ALKBH8: variants seen among roughly 807,000 people sequenced by gnomAD.
The protein encoded by ALKBH8 is tRNA (carboxymethyluridine(34)-5-O)-methyltransferase ALKBH8.
ALKBH8 carries 36 observed loss-of-function variants against 59.8 expected under a neutral mutation model. That is an observed-to-expected ratio of 0.60 (90% confidence interval 0.46 to 0.79). ALKBH8 has a LOEUF of 0.79. Among genes scored for constraint, ALKBH8 ranks in the 30% least tolerant of loss-of-function variants. The pLI is 0.00. For synonymous variants in ALKBH8, 276 were observed against 273.6 expected, an observed-to-expected ratio of 1.01 and a Z score of -0.09; for missense variants, 768 against 801.0, an observed-to-expected ratio of 0.96 and a Z score of 0.50.
chr11:107,555,028 G>C (rs61906369), intron 3 of ALKBH8, among the ~76,000 whole-genome samples: 16 of 152,158 alleles, frequency 1.1e-4, no homozygotes, highest in Non-Finnish European at 2.4e-4. Flanking sequence ...GGGAGTCCGA[G>C]GTGGGCGGAT....
chr11:107,531,892 T>C (rs567213324), intron 8 of ALKBH8, among the ~76,000 whole-genome samples: 5 of 152,318 alleles, frequency 3.3e-5, no homozygotes, highest in African/African-American at 1.2e-4. Flanking sequence ...TAGCCATAGC[T>C]TGCCAATCCC....
chr11:107,510,921 A>C lies in ALKBH8; in HGVS notation c.1403T>G (p.Ile468Ser). ...AAAATGATGAATAACAGCAATGGAG[A>C]TGCAGGCATCACAAGACCCACTGCG... ...PVRSGSCDAC[I>S]SIAVIHHFAT... The change falls in exon 11 of 12, where the codon ATC (isoleucine) becomes AGC (serine). Residue 468 changes from isoleucine (I) to serine (S), a missense_variant. Transcript: ENST00000428149. 3 of 1,551,720 alleles carry C rather than the reference A, an allele frequency of 1.9e-6. No homozygotes were observed. The highest frequency in any genetic ancestry group is 2.6e-6 in the Non-Finnish European group (3 of 1,146,942).
intron 8 of ALKBH8, among the ~76,000 whole-genome samples, chr11:107,528,213 C>T (rs749510959): frequency 3.3e-5 from 5 of 151,922 alleles, no homozygotes; most frequent in Non-Finnish European, 7.4e-5. Context: ...TTCGAATGTT[C>T]TGTTATGGGT....
At chr11:107,517,864 A>C (rs1862932513) in intron 10 of ALKBH8, among the ~76,000 whole-genome samples, 1 of 152,230 alleles carries the variant, frequency 6.6e-6, no homozygotes, top group Non-Finnish European at 1.5e-5. Flanking sequence ...TGTAGTTAAC[A>C]ACATGTATTG....
At chr11:107,542,712 C>A (rs190546684) in intron 7 of ALKBH8, among the ~76,000 whole-genome samples, 157 of 152,282 alleles carry the variant, frequency 1.0e-3, no homozygotes, top group Middle Eastern at 3.4e-3. Context: ...GAATTCAAGA[C>A]CAGCTTGGGC....
At chr11:107,512,967 T>C (rs1394749173) in intron 10 of ALKBH8, among the ~76,000 whole-genome samples, 2 of 152,026 alleles carry the variant, frequency 1.3e-5, no homozygotes, top group African/African-American at 4.8e-5. Context: ...ACCTAGGAAA[T>C]ACCATTCTGG....
At chr11:107,554,227 CATG>C (rs1329269244) in intron 3 of ALKBH8, among the ~76,000 whole-genome samples, 1 of 152,150 alleles carries the variant, frequency 6.6e-6, no homozygotes, top group African/African-American at 2.4e-5. Context: ...CCGGTGTGAA[CATG>C]ATGAAGTCAC....
chr11:107,562,247 CA>C (rs1490065949), intron 1 of ALKBH8, among the ~76,000 whole-genome samples: 7 of 147,364 alleles, frequency 4.8e-5, no homozygotes, highest in Non-Finnish European at 7.4e-5. Context: ...TGCAGTGAGC[CA>C]AGATCATGCT....
intron 2 of ALKBH8, among the ~76,000 whole-genome samples, chr11:107,560,071 G>A (rs1464854410): frequency 6.6e-6 from 1 of 152,068 alleles, no homozygotes; most frequent in African/African-American, 2.4e-5. Context: ...GGGTTAAAAA[G>A]GTATGCAATA....
chr11:107,533,516 T>A (rs970432719), intron 7 of ALKBH8, among the ~76,000 whole-genome samples: 6 of 152,174 alleles, frequency 3.9e-5, no homozygotes, highest in Non-Finnish European at 5.9e-5. Flanking sequence ...AATCTAAGTA[T>A]GGAAAATAAA....
intron 8 of ALKBH8, among the ~76,000 whole-genome samples, chr11:107,529,171 G>GT (rs1863472378): frequency 2.0e-5 from 3 of 152,174 alleles, no homozygotes; most frequent in Non-Finnish European, 2.9e-5. Flanking sequence ...TACTTAACTT[G>GT]TTTATGCTCC....
rs1482688834 is a variant in ALKBH8 at position 107,505,075 on chromosome 11, T to C, written c.1578A>G (p.Gly526=). The change falls in exon 12 of 12, where the codon GGA becomes GGG. Residue 526 remains glycine, a synonymous_variant. Coordinates refer to ENST00000428149, the MANE Select transcript of ALKBH8 (RefSeq NM_138775.3). ...TATCACTGTTCATCTCCTCTTTCTT[T>C]CCTTGGCTATTTCTGTTTCCTCTAA... ...KYLRGNRNSQ[G]KKEEMNSDTS... is the part of the protein sequence containing the mutation. The C allele has an allele frequency of 6.4e-7, 1 of 1,551,626 alleles. No homozygotes were observed. The highest frequency in any genetic ancestry group is 1.2e-5 in the South Asian group (1 of 84,050).
chr11:107,544,372 G>A (rs1195020979), intron 7 of ALKBH8, among the ~76,000 whole-genome samples: 1 of 152,058 alleles, frequency 6.6e-6, no homozygotes, highest in Non-Finnish European at 1.5e-5. Context: ...CCACTCCACA[G>A]AAAAAAGATA....
intron 7 of ALKBH8, among the ~76,000 whole-genome samples, chr11:107,537,551 G>A (rs1863869680): frequency 6.6e-6 from 1 of 151,876 alleles, no homozygotes; most frequent in Non-Finnish European, 1.5e-5. Flanking sequence ...ACTGGGGCCT[G>A]TTGGAGGGGG....
At chr11:107,509,485 T>C (rs936997991) in intron 11 of ALKBH8, among the ~76,000 whole-genome samples, 3 of 152,210 alleles carry the variant, frequency 2.0e-5, no homozygotes, top group African/African-American at 7.2e-5. Flanking sequence ...TTGTTTGATG[T>C]ACAAGTTTTT....
chr11:107,544,403 G>T (rs1864165874), intron 7 of ALKBH8, among the ~76,000 whole-genome samples: 1 of 152,182 alleles, frequency 6.6e-6, no homozygotes, highest in Non-Finnish European at 1.5e-5. Context: ...GTTAAGAACT[G>T]TCAGCATTGA....
Position 107,503,509 on chromosome 11 carries a change from C to T in ALKBH8, c.*1149G>A, listed in dbSNP as rs576693191. ...AAAAAATTTTTTCTTTGAAAAAAAG[C>T]CTTTTCCTTCTATGTGATAATTTGA... is the stretch of plus-strand genomic sequence containing the variant. On this transcript the variant is annotated 3_prime_UTR_variant, in exon 12 of 12. Transcript: ENST00000428149. 1.5e-4 allele frequency: 23 copies of T among 152,186 alleles called. No homozygotes were observed. Among genetic ancestry groups the T allele is most frequent in the African/African-American group, 5.3e-4 (22 of 41,544 alleles). The allele number at this position is 152,186 out of a possible 1,614,324, so 9.4% of individuals were successfully genotyped here.
chr11:107,518,147 G>A (rs1224384295), intron 10 of ALKBH8, among the ~76,000 whole-genome samples: 2 of 151,878 alleles, frequency 1.3e-5, no homozygotes, highest in Non-Finnish European at 2.9e-5. Context: ...ATATAAATGA[G>A]ATAAATGAGT....
At chr11:107,539,173 C>G (rs947312621) in intron 7 of ALKBH8, among the ~76,000 whole-genome samples, 2 of 152,232 alleles carry the variant, frequency 1.3e-5, no homozygotes, top group African/African-American at 4.8e-5. Flanking sequence ...GAAAAGCTTG[C>G]TGGTATTTTC....
Sources: gnomAD v4.1 joint callset for allele counts (sites outside exome capture counted in the v4.1 genomes callset) on GRCh38, gnomAD v4.1.1 for gene constraint, MANE v1.5 for transcripts, NCBI Gene and HGNC (gene_info 2026-07-23, HGNC 2026-07-21) for gene names.